The following PLXNA2 variants were observed in gnomAD, a reference collection of about 807,000 sequenced individuals.
PLXNA2 encodes plexin-A2.
A neutral mutation model predicts 193.5 loss-of-function variants in PLXNA2; 91 were observed. The observed-to-expected ratio is 0.47, with a 90% CI of 0.40 to 0.56. The LOEUF is 0.56. Among genes scored for constraint, PLXNA2 ranks in the 20% least tolerant of loss-of-function variants. PLXNA2 has a pLI of 0.00. For missense variants in PLXNA2, 1,995 were observed against 2,503.2 expected, an observed-to-expected ratio of 0.80 and a Z score of 4.33; for synonymous variants, 997 against 1,027.3, an observed-to-expected ratio of 0.97 and a Z score of 0.56.
In PLXNA2 at chr1:208,194,477, A is replaced by G. The variant is rs1019061236; in HGVS notation, c.1371+15803T>C. 5.2e-4 allele frequency among the ~76,000 whole-genome samples: 74 copies of G among 143,270 alleles called. 1 individual carries two copies. Among genetic ancestry groups the G allele is most frequent in the African/African-American group, 1.5e-3 (59 of 39,082 alleles). The allele number at this position is 143,270 out of a possible 152,430, so 94.0% of individuals were successfully genotyped here. On this transcript the variant is annotated intron_variant, in intron 3 of 31. Transcript: ENST00000367033. Reference sequence around the variant, plus strand: ...GCTTACTGCAAAAAAAAAAAAAAAAAAAAGAAAGAAAAAAAAAACATACAT... The same window carrying G: ...GCTTACTGCAAAAAAAAAAAAAAAAGAAAGAAAGAAAAAAAAAACATACAT...
chr1:208,053,939 C>A (rs1665345286), intron 14 of PLXNA2, among the ~76,000 whole-genome samples: 2 of 152,228 alleles, frequency 1.3e-5, no homozygotes, highest in African/African-American at 2.4e-5. Context: ...TGTGCAGATA[C>A]ACATCCCTGC....
intron 9 of PLXNA2, among the ~76,000 whole-genome samples, chr1:208,091,747 G>C (rs1200345284): frequency 1.3e-5 from 2 of 151,960 alleles, no homozygotes; most frequent in African/African-American, 4.8e-5. Flanking sequence ...GCATGCCCCT[G>C]TAGTCCCAGC....
At chr1:208,194,373 A>G (rs562468591) in intron 3 of PLXNA2, among the ~76,000 whole-genome samples, 42 of 150,516 alleles carry the variant, frequency 2.8e-4, no homozygotes, top group African/African-American at 8.5e-4. Context: ...TGTTTTATGC[A>G]GTGCTTAGGC....
rs750345311 is a variant in PLXNA2, at chr1:208,142,358, G to C, written c.1477C>G (p.Arg493Gly). The change falls in exon 4 of 32, where the codon CGC becomes GGC. Residue 493 changes from arginine (R) to glycine (G), a missense_variant. By Grantham distance (125) the Arg-to-Gly change is moderately radical. Transcript: ENST00000367033. ...CTCTCAGACATGACGTACAGGTAGC[G>C]CTGATCAATGGAGAAGGCCATGTCC... The part of the protein sequence containing the change: ...LRDMAFSIDQ[R>G]YLYVMSERQV... 1.2e-6 allele frequency: 2 copies of C among 1,613,320 alleles called. No individual in the cohort carries two copies.
At position 208,028,250 on chromosome 1, in the gene PLXNA2, G is replaced by A. The variant is rs1050005820; in HGVS notation, c.5439-91C>T. The stretch of plus-strand genomic sequence containing the variant: ...GCCCAGGTCCTTCGAGGGCACTGAT[G>A]TACCCAGTTGCTCCTGCCTCCCTAT... On this transcript the variant is annotated intron_variant, in intron 30 of 31. Transcript: ENST00000367033. This position sits in a 1 kb window ranked among gnomAD's most constrained non-coding sequence, Gnocchi z 4.2. The A allele has an allele frequency of 3.3e-6, 4 of 1,216,900 alleles. No individual in the cohort carries two copies. The highest frequency in any genetic ancestry group is 4.6e-6 in the Non-Finnish European group (4 of 877,748). The allele number at this position is 1,216,900 out of a possible 1,614,324, so 75.4% of individuals were successfully genotyped here.
chr1:208,043,274 G>C, intron 20 of PLXNA2, 71 bp from the exon 21 acceptor site: 3 of 1,498,186 alleles, frequency 2.0e-6, no homozygotes, highest in Non-Finnish European at 1.8e-6. Flanking sequence ...GGGAGAAGAA[G>C]TTTGCAAAGG....
At chr1:208,126,649 G>C (rs1221073847) in intron 4 of PLXNA2, among the ~76,000 whole-genome samples, 1 of 152,184 alleles carries the variant, frequency 6.6e-6, no homozygotes, top group African/African-American at 2.4e-5. Context: ...GGGGAAGGCT[G>C]ATGCTTAGGA....
intron 3 of PLXNA2, among the ~76,000 whole-genome samples, chr1:208,189,235 T>C (rs1388902151): frequency 1.3e-5 from 2 of 152,202 alleles, no homozygotes; most frequent in Non-Finnish European, 2.9e-5. Flanking sequence ...CTCTGCTAAG[T>C]TAGGGATGAA....
intron 22 of PLXNA2, 121 bp from the exon 23 acceptor site, chr1:208,040,179 T>C: frequency 1.3e-6 from 1 of 756,642 alleles, no homozygotes; most frequent in Non-Finnish European, 2.3e-6. Context: ...AGGGCGGGAG[T>C]CAGGACACCT....
At chr1:208,214,656 C>T (rs1671068392) in intron 2 of PLXNA2, among the ~76,000 whole-genome samples, 1 of 152,188 alleles carries the variant, frequency 6.6e-6, no homozygotes, top group Non-Finnish European at 1.5e-5. Context: ...CCAGAGCCCT[C>T]AGCACTGTGT....
intron 2 of PLXNA2, among the ~76,000 whole-genome samples, 188 bp downstream of exon 2, chr1:208,216,547 C>T (rs1671135137): frequency 6.6e-6 from 1 of 152,222 alleles, no homozygotes; most frequent in African/African-American, 2.4e-5. Context: ...CAAATCAACA[C>T]ACATATCTCA....
intron 1 of PLXNA2, among the ~76,000 whole-genome samples, chr1:208,222,273 T>A (rs1393955203): frequency 3.9e-5 from 6 of 152,166 alleles, no homozygotes; most frequent in African/African-American, 1.2e-4. Flanking sequence ...TTCTGTCACA[T>A]CCCTCTCTGT....
At chr1:208,115,749 C>A (rs1313654451) in intron 4 of PLXNA2, among the ~76,000 whole-genome samples, 1 of 152,154 alleles carries the variant, frequency 6.6e-6, no homozygotes, top group Non-Finnish European at 1.5e-5. Flanking sequence ...ACACACCTCC[C>A]AAACTATAAT....
At chr1:208,099,330 C>T (rs954974672) in intron 5 of PLXNA2, among the ~76,000 whole-genome samples, 1 of 152,146 alleles carries the variant, frequency 6.6e-6, no homozygotes, top group Non-Finnish European at 1.5e-5. Context: ...CTCCACAGTG[C>T]GGGAGCGGGC....
chr1:208,172,026 T>A (rs200995764), intron 3 of PLXNA2, among the ~76,000 whole-genome samples: 153 of 135,082 alleles, frequency 1.1e-3, no homozygotes, highest in Non-Finnish European at 1.2e-3. Flanking sequence ...GGTTTTGCCA[T>A]AAAAAAAAAA....
intron 3 of PLXNA2, among the ~76,000 whole-genome samples, chr1:208,143,346 C>T (rs1571963167): frequency 1.3e-5 from 2 of 152,170 alleles, no homozygotes; most frequent in Admixed American, 6.5e-5. Flanking sequence ...ACTGCGAGGC[C>T]CACCTCCAGA....
chr1:208,100,110 A>G (rs1667046061), intron 5 of PLXNA2, among the ~76,000 whole-genome samples: 1 of 152,064 alleles, frequency 6.6e-6, no homozygotes, highest in Non-Finnish European at 1.5e-5. Context: ...ATGGTGGCTC[A>G]CACCTGTAAT....
At chr1:208,216,593 T>C (rs1572042327) in intron 2 of PLXNA2, 142 bp downstream of exon 2, 7 of 902,476 alleles carry the variant, frequency 7.8e-6, no homozygotes, top group Admixed American at 5.6e-5. Flanking sequence ...CGTTATTGGT[T>C]ACCACCTGAT....
intron 4 of PLXNA2, among the ~76,000 whole-genome samples, chr1:208,119,572 G>C (rs1667742854): frequency 6.6e-6 from 1 of 152,180 alleles, no homozygotes; most frequent in African/African-American, 2.4e-5. Context: ...AAGAGACCAA[G>C]AGATTGGCTG....
Sources: allele counts gnomAD v4.1 joint callset (sites outside exome capture counted in the v4.1 genomes callset), GRCh38; gene constraint gnomAD v4.1.1; non-coding constraint Gnocchi (gnomAD v3.1); transcripts MANE v1.5; gene names NCBI Gene and HGNC (gene_info 2026-07-23, HGNC 2026-07-21).